Variants in TSPAN2 observed in about 807,000 individuals in gnomAD.
TSPAN2 encodes the protein tetraspanin 2, also known as tetraspanin-2.
Under a neutral mutation model 33.3 loss-of-function variants are expected in TSPAN2, and 24 were observed. The observed-to-expected ratio is 0.72, with a 90% CI of 0.52 to 1.01. The LOEUF is 1.01. Among genes scored for constraint, TSPAN2 ranks in the 50% least tolerant of loss-of-function variants. The pLI is 0.00. For synonymous variants in TSPAN2, 114 were observed against 104.5 expected, an observed-to-expected ratio of 1.09 and a Z score of -0.56; for missense variants, 278 against 281.3, an observed-to-expected ratio of 0.99 and a Z score of 0.08.
chr1:115,077,165 C>T (rs1212639162), intron 1 of TSPAN2, among the ~76,000 whole-genome samples: 1 of 151,984 alleles, frequency 6.6e-6, no homozygotes, highest in Non-Finnish European at 1.5e-5. Context: ...GTGATCTGCT[C>T]ACCTCAGCCT....
intron 2 of TSPAN2, among the ~76,000 whole-genome samples, chr1:115,063,469 C>T (rs532415664): frequency 2.6e-5 from 4 of 152,204 alleles, no homozygotes; most frequent in East Asian, 1.9e-4. Context: ...TACAATGTTG[C>T]GAATGTAAAT....
intron 1 of TSPAN2, among the ~76,000 whole-genome samples, chr1:115,073,560 G>A (rs951676036): frequency 6.6e-6 from 1 of 151,954 alleles, no homozygotes; most frequent in Non-Finnish European, 1.5e-5. Context: ...AATAGAAAGC[G>A]GTTTTAGGGG....
chr1:115,078,118 C>G (rs12137569), intron 1 of TSPAN2, among the ~76,000 whole-genome samples: 3 of 152,090 alleles, frequency 2.0e-5, no homozygotes, highest in Non-Finnish European at 4.4e-5. Context: ...GTGGAGGTCT[C>G]TGTTCTTGCT....
intron 1 of TSPAN2, among the ~76,000 whole-genome samples, chr1:115,078,748 C>T (rs1557884295): frequency 6.6e-6 from 1 of 152,150 alleles, no homozygotes; most frequent in African/African-American, 2.4e-5. Context: ...TCAGCCACCC[C>T]ACTCTGTGGT....
Position 115,050,260 on chromosome 1 carries a change from T to G in TSPAN2, c.*230A>C, listed in dbSNP as rs1438711833. On this transcript the variant is annotated 3_prime_UTR_variant, in exon 8 of 8. Transcript: ENST00000369516. ...AGATTTCATTACGTATAAAGCATAT[T>G]CCAGAAACACGCAGATCACACATGA... is the stretch of plus-strand genomic sequence containing the variant. 3.6e-6 allele frequency: 2 copies of G among 552,434 alleles called. No individual in the cohort carries two copies. The highest frequency in any genetic ancestry group is 6.5e-5 in the East Asian group (2 of 30,780). The allele number at this position is 552,434 out of a possible 1,614,324, so 34.2% of individuals were successfully genotyped here. A position where few individuals can be genotyped will look rare whatever the true frequency, so the allele number is the denominator to read the frequency against.
At chr1:115,060,616 T>G in intron 3 of TSPAN2, 78 bp from the exon 4 acceptor site, 3 of 1,100,978 alleles carry the variant, frequency 2.7e-6, no homozygotes. Context: ...AGTTTCCTTA[T>G]GTAATGGCTG....
chr1:115,073,021 G>T lies in TSPAN2; in HGVS notation c.70-14C>A. On this transcript the variant is annotated splice_polypyrimidine_tract_variant and intron_variant, in intron 1 of 7. Coordinates refer to ENST00000369516, the MANE Select transcript of TSPAN2 (RefSeq NM_005725.6). The stretch of plus-strand genomic sequence containing the variant: ...CGATCCAGCCAGCTGGAAGGCAAAC[G>T]ACACTGTGTTTACAGTGGAAGGGGA... 6.2e-7 allele frequency: 1 copy of T among 1,609,526 alleles called. No homozygotes were observed. Among genetic ancestry groups the T allele is most frequent in the South Asian group, 1.1e-5 (1 of 90,946 alleles).
At chr1:115,052,548 A>G (rs1434443380) in intron 7 of TSPAN2, among the ~76,000 whole-genome samples, 1 of 152,110 alleles carries the variant, frequency 6.6e-6, no homozygotes, top group Admixed American at 6.5e-5. Context: ...ACCCTTTCAA[A>G]GGGGCATACA....
chr1:115,060,025 G>A (rs1178555437), intron 4 of TSPAN2, among the ~76,000 whole-genome samples: 5 of 152,076 alleles, frequency 3.3e-5, no homozygotes, highest in East Asian at 1.9e-4. Context: ...AATATAAACT[G>A]GCTTCACTAG....
chr1:115,069,368 C>G (rs1017623938), intron 2 of TSPAN2, among the ~76,000 whole-genome samples: 15 of 152,230 alleles, frequency 9.9e-5, no homozygotes, highest in Non-Finnish European at 1.8e-4. Context: ...CCACAAGCAG[C>G]TGTCCACAAT....
At chr1:115,074,804 C>T (rs1648339281) in intron 1 of TSPAN2, among the ~76,000 whole-genome samples, 1 of 152,124 alleles carries the variant, frequency 6.6e-6, no homozygotes, top group South Asian at 2.1e-4. Flanking sequence ...CTTGGGAGGA[C>T]ACCAGCTTTG....
chr1:115,079,109 G>C (rs535861311), intron 1 of TSPAN2, among the ~76,000 whole-genome samples: 1 of 149,930 alleles, frequency 6.7e-6, no homozygotes, highest in Admixed American at 6.7e-5. Flanking sequence ...CACTGGCAGG[G>C]GCATATGAAC....
chr1:115,089,350 G>C lies in TSPAN2; in HGVS notation c.69+14C>G. 3.2e-6 allele frequency: 5 copies of C among 1,570,614 alleles called. No homozygotes were observed. Among genetic ancestry groups the C allele is most frequent in the Non-Finnish European group, 4.3e-6 (5 of 1,159,326 alleles). On this transcript the variant is annotated intron_variant, in intron 1 of 7. Transcript: ENST00000369516. ...CCCCCTGCCCTGACCGGCCCTCCCG[G>C]CTCCTGGTCTCACCCAGAAGAGCAG...
At chr1:115,071,157 GGAGGGTGT>G (rs1648158841) in intron 2 of TSPAN2, among the ~76,000 whole-genome samples, 1 of 152,172 alleles carries the variant, frequency 6.6e-6, no homozygotes, top group Non-Finnish European at 1.5e-5. Flanking sequence ...CAGGCCCAGG[GGAGGGTGT>G]GAGGGTGTGA....
At chr1:115,057,696 G>A in intron 5 of TSPAN2, 88 bp from the exon 6 acceptor site, 1 of 1,300,084 alleles carries the variant, frequency 7.7e-7, no homozygotes, top group Non-Finnish European at 1.1e-6. Context: ...GGGGTGCCGA[G>A]GCGGCAAAGC....
At position 115,055,528 on chromosome 1, in the gene TSPAN2, T is replaced by G. The variant is rs906200763; in HGVS notation, c.516+2009A>C. 5.3e-5 allele frequency among the ~76,000 whole-genome samples: 8 copies of G among 151,412 alleles called. No individual in the cohort carries two copies. The East Asian group carries it at 7.7e-4, about 15-fold the overall frequency. On this transcript the variant is annotated intron_variant, in intron 6 of 7. Coordinates refer to ENST00000369516, the MANE Select transcript of TSPAN2 (RefSeq NM_005725.6). ...TCTTTGAAATCATGATTATGATGAT[T>G]ATTTTTTTTTTTGGAGACAGAGTCT...
Position 115,049,114 on chromosome 1 carries a change from T to C in TSPAN2, c.*1376A>G, listed in dbSNP as rs150445444. 1.1e-3 allele frequency: 165 copies of C among 152,214 alleles called. 4 individuals are homozygous for C. The East Asian group carries it at 0.029, about 26-fold the overall frequency. 9.4% of individuals were successfully genotyped at this position (152,214 alleles called of 1,614,324 possible). A position where few individuals can be genotyped will look rare whatever the true frequency, so the allele number is the denominator to read the frequency against. Reference sequence around the variant, plus strand: ...CTTACAAAATGTAGTTTTTAAAAAATCTATGGTTTACTAAATGTAACACGT... The same window carrying C: ...CTTACAAAATGTAGTTTTTAAAAAACCTATGGTTTACTAAATGTAACACGT... On this transcript the variant is annotated 3_prime_UTR_variant, in exon 8 of 8. Coordinates refer to ENST00000369516, the MANE Select transcript of TSPAN2 (RefSeq NM_005725.6).
intron 3 of TSPAN2, among the ~76,000 whole-genome samples, chr1:115,060,957 T>A (rs1214297136): frequency 1.3e-5 from 2 of 152,152 alleles, no homozygotes; most frequent in Non-Finnish European, 2.9e-5. Flanking sequence ...GGAGCATCAC[T>A]GATGCGGCCT....
intron 7 of TSPAN2, among the ~76,000 whole-genome samples, chr1:115,052,301 T>C (rs571649272): frequency 2.0e-5 from 3 of 152,194 alleles, no homozygotes; most frequent in Non-Finnish European, 4.4e-5. Context: ...AATTCACTGA[T>C]TTCCTCACAA....
Sources: gnomAD v4.1 joint callset for allele counts (sites outside exome capture counted in the v4.1 genomes callset) on GRCh38, gnomAD v4.1.1 for gene constraint, MANE v1.5 for transcripts, NCBI Gene and HGNC (gene_info 2026-07-23, HGNC 2026-07-21) for gene names.